Variants in ESRRB observed in about 807,000 individuals in gnomAD.
The protein encoded by ESRRB is estrogen related receptor beta, also known as steroid hormone receptor ERR2.
A neutral mutation model predicts 46.0 loss-of-function variants in ESRRB; 16 were observed. That is an observed-to-expected ratio of 0.35 (90% CI 0.24 to 0.53). The LOEUF (loss-of-function observed/expected upper bound fraction) is 0.53. Ranked by LOEUF, ESRRB falls within the 20% of genes least tolerant of loss-of-function variation. ESRRB has a pLI of 0.93. For missense variants in ESRRB, 488 were observed against 607.4 expected, an observed-to-expected ratio of 0.80 and a Z score of 2.07; for synonymous variants, 246 against 259.6, an observed-to-expected ratio of 0.95 and a Z score of 0.50.
At chr14:76,491,798 C>A (rs1367726813) in intron 6 of ESRRB, 82 bp downstream of exon 6, 2 of 1,438,460 alleles carry the variant, frequency 1.4e-6, no homozygotes, top group African/African-American at 1.4e-5. Context: ...GGCCTGTGGG[C>A]AGGGCTGGCT....
intron 3 of ESRRB, among the ~76,000 whole-genome samples, chr14:76,467,826 C>G (rs1889183296): frequency 1.3e-5 from 2 of 152,134 alleles, no homozygotes; most frequent in South Asian, 4.1e-4. Flanking sequence ...GGGATATCAG[C>G]AATTCTCTCT....
At chr14:76,452,632 C>CAAAAAA (rs1555399039) in intron 2 of ESRRB, among the ~76,000 whole-genome samples, 9,498 of 56,864 alleles carry the variant, frequency 0.17, 1,206 homozygotes, top group African/African-American at 0.48. Flanking sequence ...AAAAAAAAAA[C>CAAAAAA]AAAACAAAAA....
At chr14:76,313,547 C>T (rs1015081640) in intron 1 of ESRRB, among the ~76,000 whole-genome samples, 2 of 152,132 alleles carry the variant, frequency 1.3e-5, no homozygotes, top group Non-Finnish European at 2.9e-5. Flanking sequence ...GGGCAATGAG[C>T]AGGTGCTTTG....
chr14:76,491,408 C>T, intron 5 of ESRRB, 39 bp from the exon 6 acceptor site: 1 of 1,603,056 alleles, frequency 6.2e-7, no homozygotes, highest in Non-Finnish European at 8.5e-7. Flanking sequence ...GTCCGCCCTC[C>T]TGACCTGCTG....
intron 2 of ESRRB, among the ~76,000 whole-genome samples, chr14:76,450,144 G>C (rs928371459): frequency 6.5e-5 from 7 of 108,066 alleles, no homozygotes; most frequent in South Asian, 2.5e-4. Context: ...ACTGAGAAAG[G>C]GGGGGGGTCT....
At chr14:76,321,830 T>C in intron 1 of ESRRB, among the ~76,000 whole-genome samples, 1 of 151,056 alleles carries the variant, frequency 6.6e-6, no homozygotes. Context: ...GAGCTTGCAG[T>C]GAGCCGAGAT....
chr14:76,351,931 A>C (rs1381038646), intron 1 of ESRRB, among the ~76,000 whole-genome samples: 1 of 148,238 alleles, frequency 6.7e-6, no homozygotes, highest in Non-Finnish European at 1.5e-5. Context: ...GCTGCAGGGA[A>C]CTATGATGGC....
chr14:76,409,721 G>T lies in ESRRB; in HGVS notation c.51-29620G>T, dbSNP rs368318197. 9.9e-5 allele frequency among the ~76,000 whole-genome samples: 15 copies of T among 152,038 alleles called. No individual in the cohort carries two copies. In the East Asian group the frequency reaches 2.5e-3, roughly 26 times the overall value. ...CTGGGAGCCAGGGCCCCCCTAATTT[G>T]GTTTGCAAATACATTAGCCAAACAA... On this transcript the variant is annotated intron_variant, in intron 1 of 6. Transcript: ENST00000644823.
At chr14:76,443,717 T>C (rs928881913) in intron 2 of ESRRB, among the ~76,000 whole-genome samples, 4 of 151,686 alleles carry the variant, frequency 2.6e-5, no homozygotes, top group Non-Finnish European at 5.9e-5. Flanking sequence ...CAGAGGTTAA[T>C]GTGTGTAAAC....
intron 1 of ESRRB, among the ~76,000 whole-genome samples, chr14:76,384,772 C>T (rs149287928): frequency 7.6e-4 from 115 of 152,200 alleles, no homozygotes; most frequent in African/African-American, 2.7e-3. Flanking sequence ...TATGACTTGG[C>T]GCATGTGAAT....
At chr14:76,354,384 G>A (rs1264225868) in intron 1 of ESRRB, among the ~76,000 whole-genome samples, 1 of 152,052 alleles carries the variant, frequency 6.6e-6, no homozygotes, top group East Asian at 1.9e-4. Flanking sequence ...CAGGGACATG[G>A]CAAGTGCTCC....
intron 1 of ESRRB, among the ~76,000 whole-genome samples, chr14:76,344,735 C>T (rs149179324): frequency 6.6e-6 from 1 of 152,040 alleles, no homozygotes; most frequent in East Asian, 1.9e-4. Flanking sequence ...ACCTGTAGTC[C>T]CACTTACTTG....
intron 3 of ESRRB, among the ~76,000 whole-genome samples, chr14:76,480,657 G>T (rs1889771343): frequency 6.6e-6 from 1 of 152,074 alleles, no homozygotes; most frequent in Non-Finnish European, 1.5e-5. Flanking sequence ...CCTGAATCCG[G>T]GGGACTGGCA....
chr14:76,376,039 T>C (rs1884750680), upstream of ESRRB: 1 of 115,740 alleles, frequency 8.6e-6, no homozygotes. The surrounding 1 kb of genome is among the most constrained non-coding windows in gnomAD (Gnocchi z 4.1). Flanking sequence ...CCAGCTTGAT[T>C]CTGTCACTTT....
intron 1 of ESRRB, among the ~76,000 whole-genome samples, chr14:76,361,831 A>T (rs914150574): frequency 6.6e-6 from 1 of 152,206 alleles, no homozygotes; most frequent in Non-Finnish European, 1.5e-5. Context: ...ACTCCAGGGA[A>T]GGTGGGCACA....
At chr14:76,393,972 T>G (rs1885571083) in intron 1 of ESRRB, among the ~76,000 whole-genome samples, 1 of 123,604 alleles carries the variant, frequency 8.1e-6, no homozygotes, top group Non-Finnish European at 1.8e-5. Context: ...GGCTAATTTT[T>G]TTTTTTTTTT....
Position 76,376,320 on chromosome 14 carries a change from C to G in ESRRB, c.-82C>G. ...CACTGTGCCCTGCCCGGGCTCGCAC[C>G]TTGCCCGTGCCCTTCACTCGCTCTT... On this transcript the variant is annotated 5_prime_UTR_variant, in exon 1 of 7. Coordinates refer to ENST00000644823, the MANE Select transcript of ESRRB (RefSeq NM_001379180.1). This position sits in a 1 kb window ranked among gnomAD's most constrained non-coding sequence, Gnocchi z 4.1. The G allele has an allele frequency of 9.0e-7, 1 of 1,106,434 alleles. No homozygotes were observed. The highest frequency in any genetic ancestry group is 1.1e-6 in the Non-Finnish European group (1 of 873,606). 68.5% of individuals were successfully genotyped at this position (1,106,434 alleles called of 1,614,324 possible). A position where few individuals can be genotyped will look rare whatever the true frequency, so the allele number is the denominator to read the frequency against.
intron 1 of ESRRB, among the ~76,000 whole-genome samples, chr14:76,321,754 A>G (rs903531471): frequency 2.0e-5 from 3 of 152,148 alleles, no homozygotes; most frequent in African/African-American, 7.2e-5. Context: ...AACAACTGAA[A>G]GATGGTATTA....
chr14:76,480,128 G>A (rs1365520609), intron 3 of ESRRB, among the ~76,000 whole-genome samples: 1 of 152,144 alleles, frequency 6.6e-6, no homozygotes, highest in African/African-American at 2.4e-5. Context: ...CAAAGTGCTG[G>A]GATTACAGGG....
Sources: allele counts gnomAD v4.1 joint callset (sites outside exome capture counted in the v4.1 genomes callset), GRCh38; gene constraint gnomAD v4.1.1; non-coding constraint Gnocchi (gnomAD v3.1); transcripts MANE v1.5; gene names NCBI Gene and HGNC (gene_info 2026-07-23, HGNC 2026-07-21).